PDCD6IP: variants seen among roughly 807,000 people sequenced by gnomAD.
The protein encoded by PDCD6IP is programmed cell death 6-interacting protein.
Under a neutral mutation model 103.7 loss-of-function variants are expected in PDCD6IP, and 43 were observed. The observed-to-expected ratio is 0.41, with a 90% CI of 0.32 to 0.53. PDCD6IP has a LOEUF of 0.53. Ranked by LOEUF, PDCD6IP falls within the 20% of genes least tolerant of loss-of-function variation. The pLI, the probability that PDCD6IP is intolerant of heterozygous loss-of-function variation, is 0.16. For synonymous variants in PDCD6IP, 354 were observed against 378.7 expected (o/e 0.93, Z 0.76); for missense variants, 871 against 1,036.7 (o/e 0.84, Z 2.20).
chr3:33,818,850 T>C (rs1267408544), intron 3 of PDCD6IP, among the ~76,000 whole-genome samples: 2 of 152,160 alleles, frequency 1.3e-5, no homozygotes, highest in South Asian at 4.1e-4. Flanking sequence ...GTGTTACTGA[T>C]GAAAAGTCTG....
At chr3:33,837,094 A>G (rs111312622) in intron 8 of PDCD6IP, among the ~76,000 whole-genome samples, 40,080 of 151,084 alleles carry the variant, frequency 0.27, 5,574 homozygotes, top group East Asian at 0.39. Context: ...CTAGTTTTGT[A>G]TTTTTAGTAG....
intron 12 of PDCD6IP, among the ~76,000 whole-genome samples, chr3:33,847,007 T>C (rs1697607528): frequency 6.6e-6 from 1 of 152,182 alleles, no homozygotes; most frequent in Non-Finnish European, 1.5e-5. Flanking sequence ...GAACAAGGAA[T>C]GTGAGTTATT....
intron 7 of PDCD6IP, among the ~76,000 whole-genome samples, chr3:33,830,829 A>G (rs1053862108): frequency 6.6e-6 from 1 of 152,206 alleles, no homozygotes; most frequent in Non-Finnish European, 1.5e-5. Context: ...AACAGAACAG[A>G]CAAGAAGTTG....
chr3:33,799,079 C>T, intron 1 of PDCD6IP, 142 bp downstream of exon 1: 2 of 808,822 alleles, frequency 2.5e-6, no homozygotes, highest in East Asian at 5.4e-5. Flanking sequence ...GTGTGGTCTG[C>T]ATTCTTTGCT....
rs550771420 is a variant in PDCD6IP, at chr3:33,840,204, A to G, written c.1182-1693A>G. Among the ~76,000 whole-genome samples the G allele has an allele frequency of 5.3e-5, 8 of 152,338 alleles. No individual in the cohort carries two copies. The East Asian group carries it at 1.5e-3, about 29-fold the overall frequency. On this transcript the variant is annotated intron_variant, in intron 9 of 17. Coordinates refer to ENST00000307296, the MANE Select transcript of PDCD6IP (RefSeq NM_013374.6). ...ATTATATAGTATATTCTTATAATAA[A>G]TAAGCTAGAGAAAAAATACTATTAA...
intron 7 of PDCD6IP, among the ~76,000 whole-genome samples, chr3:33,834,649 A>G (rs57489845): frequency 2.6e-5 from 4 of 152,340 alleles, no homozygotes; most frequent in Admixed American, 1.3e-4. Context: ...TTCAACATCT[A>G]TGGAGAAATT....
At chr3:33,842,513 C>T (rs570228762) in intron 10 of PDCD6IP, among the ~76,000 whole-genome samples, 1 of 151,278 alleles carries the variant, frequency 6.6e-6, no homozygotes, top group Non-Finnish European at 1.5e-5. Context: ...TATTATTTAT[C>T]TTATAATTCC....
intron 3 of PDCD6IP, among the ~76,000 whole-genome samples, chr3:33,820,031 C>T (rs1318818711): frequency 6.6e-6 from 1 of 152,152 alleles, no homozygotes; most frequent in Non-Finnish European, 1.5e-5. Flanking sequence ...TGCCTGTAAT[C>T]CCAGCATTTT....
At chr3:33,863,537 T>C (rs1352966716) in intron 15 of PDCD6IP, among the ~76,000 whole-genome samples, 7 of 152,236 alleles carry the variant, frequency 4.6e-5, no homozygotes, top group Non-Finnish European at 2.9e-5. Flanking sequence ...GTGCCTGGCT[T>C]ATTTCACTTA....
intron 12 of PDCD6IP, among the ~76,000 whole-genome samples, chr3:33,847,286 T>C (rs1350961787): frequency 7.9e-5 from 12 of 152,252 alleles, no homozygotes. Context: ...TGCATTAGTA[T>C]GCACTGATAT....
intron 3 of PDCD6IP, among the ~76,000 whole-genome samples, chr3:33,818,254 T>C (rs1409743669): frequency 6.6e-6 from 1 of 151,374 alleles, no homozygotes; most frequent in Non-Finnish European, 1.5e-5. Flanking sequence ...ATTACAAGCA[T>C]GCACCACCAC....
intron 7 of PDCD6IP, among the ~76,000 whole-genome samples, chr3:33,835,588 C>T (rs1014766792): frequency 2.6e-5 from 4 of 152,066 alleles, no homozygotes; most frequent in Admixed American, 2.6e-4. Flanking sequence ...TGTGGGGGTG[C>T]ACGCTTGTAA....
At chr3:33,826,392 GTACAAACTTGTGACCTCAGTGTTTAT>G in intron 5 of PDCD6IP, 62 bp from the exon 6 acceptor site, 2 of 850,738 alleles carry the variant, frequency 2.4e-6, no homozygotes, top group Admixed American at 5.6e-5. Context: ...TCAGATGCGT[GTACAAACTTGTGACCTCAGTGTTTAT>G]ACTGAGACAT....
chr3:33,801,373 A>G (rs1003985764), intron 1 of PDCD6IP, among the ~76,000 whole-genome samples: 5 of 152,278 alleles, frequency 3.3e-5, no homozygotes, highest in Non-Finnish European at 4.4e-5. Context: ...AGCCAGCTTG[A>G]TAAGTCCTGA....
rs776046687 is a variant in PDCD6IP at position 33,866,497 on chromosome 3, C to G, written c.2579C>G (p.Pro860Arg). ...QQPSYPFPQP[P>R]QQSYYPQQ ...CCTTCATACCCCTTCCCTCAGCCCCCACAGCAGTCTTACTATCCACAGCAG... is the reference window on the plus strand; with the variant it reads ...CCTTCATACCCCTTCCCTCAGCCCCGACAGCAGTCTTACTATCCACAGCAG... The change falls in exon 18 of 18, where the codon CCA becomes CGA. Residue 860 changes from proline to arginine, a missense_variant. Around this residue, in one of 5 missense-constraint regions of PDCD6IP, gnomAD observed 202 missense variants for 205.2 expected, o/e 0.98. Transcript: ENST00000307296. The G allele has an allele frequency of 6.2e-7, 1 of 1,610,220 alleles. No homozygotes were observed.
rs562919658 is a variant in PDCD6IP at position 33,841,423 on chromosome 3, C to G, written c.1182-474C>G. ...TGATTTTTTTTGTTTTTCTGTTAAT[C>G]TTTGCTTTGCTTTTTTTTTTTTTTT... On this transcript the variant is annotated intron_variant, in intron 9 of 17. Coordinates refer to ENST00000307296, the MANE Select transcript of PDCD6IP (RefSeq NM_013374.6). Among the ~76,000 whole-genome samples the G allele has an allele frequency of 4.0e-3, 479 of 118,724 alleles. 4 individuals are homozygous for G. Among genetic ancestry groups the G allele is most frequent in the African/African-American group, 0.014 (448 of 31,854 alleles). 77.9% of individuals were successfully genotyped at this position (118,724 alleles called of 152,430 possible).
chr3:33,863,430 C>G (rs1360458460), intron 15 of PDCD6IP, among the ~76,000 whole-genome samples: 1 of 152,122 alleles, frequency 6.6e-6, no homozygotes, highest in Non-Finnish European at 1.5e-5. Context: ...TCATCCCCAC[C>G]CCCTACTCTT....
At chr3:33,816,503 T>TAAAAAAA (rs57317946) in intron 3 of PDCD6IP, among the ~76,000 whole-genome samples, 10 of 57,626 alleles carry the variant, frequency 1.7e-4, no homozygotes, top group East Asian at 4.7e-4. Flanking sequence ...AGATTCTGTC[T>TAAAAAAA]AAAAAAAAAA....
At chr3:33,854,222 A>G (rs1304439554) in intron 14 of PDCD6IP, among the ~76,000 whole-genome samples, 1 of 152,234 alleles carries the variant, frequency 6.6e-6, no homozygotes, top group African/African-American at 2.4e-5. Flanking sequence ...AATGAATTGC[A>G]TATTTCAACT....
Sources: allele counts gnomAD v4.1 joint callset (sites outside exome capture counted in the v4.1 genomes callset), GRCh38; gene constraint gnomAD v4.1.1; regional missense constraint gnomAD v4.1.1; transcripts MANE v1.5; gene names NCBI Gene and HGNC (gene_info 2026-07-23, HGNC 2026-07-21).